Variants in GSE1 observed in about 807,000 individuals in gnomAD.
GSE1 encodes the protein genetic suppressor element 1.
A neutral mutation model predicts 112.6 loss-of-function variants in GSE1; 32 were observed. That is an observed-to-expected ratio of 0.28 (90% CI 0.21 to 0.38). The LOEUF (loss-of-function observed/expected upper bound fraction) is 0.38. GSE1 is among the 10% of genes least tolerant of loss of function. GSE1 has a pLI of 1.00. For missense variants in GSE1, 2,348 were observed against 1,699.2 expected (o/e 1.38, Z -6.71); for synonymous variants, 1,115 against 735.6 (o/e 1.52, Z -8.35).
chr16:85,461,514 G>A (rs1163079418), intron 2 of GSE1, among the ~76,000 whole-genome samples: 1 of 152,192 alleles, frequency 6.6e-6, no homozygotes, highest in African/African-American at 2.4e-5. Context: ...GCAAGGGGGG[G>A]AGGGGGCGCT....
At chr16:85,351,787 C>T (rs948969891) in intron 1 of GSE1, among the ~76,000 whole-genome samples, 1 of 152,088 alleles carries the variant, frequency 6.6e-6, no homozygotes, top group African/African-American at 2.4e-5. Context: ...GTCAGGAGTT[C>T]GAGACCAGAC....
chr16:85,656,402 A>C lies in GSE1; in HGVS notation c.1049A>C (p.Glu350Ala). ...GAGCGCGAGCGCGAGCGCGAGCGTG[A>C]GCGTGAGGCTGACCGCGAGCGGGAG... Reference protein sequence around the residue: ...EREREREREREREADREREKE... With the variant: ...ERERERERERAREADREREKE... Residue 350 changes from glutamate to alanine, a missense_variant, in exon 7 of 16, where the codon GAG becomes GCG. Transcript: ENST00000253458. 1 of 1,582,116 alleles carries C rather than the reference A, an allele frequency of 6.3e-7. No individual in the cohort carries two copies. Among genetic ancestry groups the C allele is most frequent in the South Asian group, 1.1e-5 (1 of 87,714 alleles).
chr16:85,407,306 C>T (rs1260298875), intron 2 of GSE1, among the ~76,000 whole-genome samples: 7 of 39,996 alleles, frequency 1.8e-4, no homozygotes, highest in East Asian at 1.0e-3. Context: ...TCAGGCCCCC[C>T]GGATAATCCT....
chr16:85,397,402 C>T (rs1207949643), intron 2 of GSE1, among the ~76,000 whole-genome samples: 3 of 152,240 alleles, frequency 2.0e-5, no homozygotes, highest in Admixed American at 6.5e-5. Context: ...CGGTGTGTCC[C>T]CAAGGCAAGG....
At chr16:85,659,865 G>A (rs992576490) in intron 8 of GSE1, among the ~76,000 whole-genome samples, 2 of 152,242 alleles carry the variant, frequency 1.3e-5, no homozygotes, top group Admixed American at 1.3e-4. Context: ...GGTCCTTGAA[G>A]ACACTTTGAG....
chr16:85,531,688 G>A (rs556808003), intron 2 of GSE1, among the ~76,000 whole-genome samples: 42 of 152,254 alleles, frequency 2.8e-4, no homozygotes, highest in South Asian at 8.3e-4. Context: ...GTGTTTATTC[G>A]GCCAAGGGAC....
chr16:85,203,209 C>T (rs532840562), intron 1 of GSE1, among the ~76,000 whole-genome samples: 3 of 152,244 alleles, frequency 2.0e-5, no homozygotes, highest in East Asian at 3.9e-4. Context: ...CTCCACTGTC[C>T]TCCTCAGCAT....
At chr16:85,652,491 G>A (rs971200606) in intron 3 of GSE1, among the ~76,000 whole-genome samples, 3 of 152,248 alleles carry the variant, frequency 2.0e-5, no homozygotes, top group Non-Finnish European at 2.9e-5. Flanking sequence ...GAGAAGGGGG[G>A]CCGGGGCTCA....
chr16:85,411,132 G>A (rs75740161), intron 2 of GSE1, among the ~76,000 whole-genome samples: 4 of 99,224 alleles, frequency 4.0e-5, no homozygotes, highest in Admixed American at 1.3e-4. Flanking sequence ...AATCCTCACC[G>A]TTACACTCAG....
chr16:85,508,351 G>A (rs138745469), intron 2 of GSE1, among the ~76,000 whole-genome samples: 22 of 152,238 alleles, frequency 1.4e-4, no homozygotes, highest in Non-Finnish European at 2.8e-4. Flanking sequence ...CTTATTTTTC[G>A]GAACAGGTGA....
chr16:85,660,182 A>T (rs2052314968), intron 8 of GSE1, among the ~76,000 whole-genome samples: 1 of 152,192 alleles, frequency 6.6e-6, no homozygotes, highest in Non-Finnish European at 1.5e-5. Context: ...TTCCCCATGG[A>T]AAGTGCGGAT....
chr16:85,525,586 G>A (rs79224410), intron 2 of GSE1, among the ~76,000 whole-genome samples: 1,561 of 152,320 alleles, frequency 0.01, 25 homozygotes, highest in African/African-American at 0.036. Flanking sequence ...GGGTGTCACT[G>A]CCCACATGCC....
At chr16:85,430,828 T>A (rs1408448639) in intron 2 of GSE1, among the ~76,000 whole-genome samples, 1 of 152,096 alleles carries the variant, frequency 6.6e-6, no homozygotes, top group Non-Finnish European at 1.5e-5. Flanking sequence ...GGCAGCAGAA[T>A]CCCCTGAAGG....
In GSE1 at chr16:85,650,408, C is replaced by G. The variant is rs1486783525; in HGVS notation, c.426+1657C>G. ...CCGCAGCTCATGGGAGGCCACTTCC[C>G]TGCCCCAGCCTGGACCAGGAGCTTC... is the stretch of plus-strand genomic sequence containing the variant. On this transcript the variant is annotated intron_variant, in intron 3 of 15. Transcript: ENST00000253458. 2.0e-5 allele frequency among the ~76,000 whole-genome samples: 3 copies of G among 152,312 alleles called. No individual in the cohort carries two copies. The East Asian group carries it at 5.8e-4, about 29-fold the overall frequency.
intron 1 of GSE1, among the ~76,000 whole-genome samples, chr16:85,558,584 G>A (rs1332470899): frequency 6.6e-6 from 1 of 151,998 alleles, no homozygotes. Context: ...TAGGCAGGAG[G>A]GGTGACTTTT....
In GSE1 at chr16:85,311,298, C is replaced by T. The variant is rs1418605420; in HGVS notation, c.2284-46165C>T. 4.6e-5 allele frequency among the ~76,000 whole-genome samples: 7 copies of T among 152,202 alleles called. No homozygotes were observed. The highest frequency in any genetic ancestry group is 9.6e-5 in the African/African-American group (4 of 41,460). On this transcript the variant is annotated intron_variant, in intron 1 of 2. Coordinates refer to the GSE1 transcript ENST00000637419. The surrounding 1 kb of genome is among the most constrained non-coding windows in gnomAD (Gnocchi z 4.2). ...GTGTGCCATCCTCTCTGCCAGGCAGCGGGCTCCCTGGACAGGGTGGGCGTC... is the reference window on the plus strand; with the variant it reads ...GTGTGCCATCCTCTCTGCCAGGCAGTGGGCTCCCTGGACAGGGTGGGCGTC...
intron 1 of GSE1, among the ~76,000 whole-genome samples, chr16:85,298,706 C>T (rs368890659): frequency 2.0e-4 from 31 of 152,342 alleles, no homozygotes; most frequent in African/African-American, 7.2e-4. Context: ...GAATTACAGG[C>T]GTGAGCCACT....
intron 9 of GSE1, 71 bp from the exon 10 acceptor site, chr16:85,662,910 G>A: frequency 9.4e-7 from 1 of 1,064,820 alleles, no homozygotes; most frequent in Non-Finnish European, 1.4e-6. Flanking sequence ...GCACACATGA[G>A]GCCCTGCGGG....
chr16:85,320,812 T>C (rs2046091266), intron 1 of GSE1, among the ~76,000 whole-genome samples: 1 of 152,214 alleles, frequency 6.6e-6, no homozygotes, highest in South Asian at 2.1e-4. Context: ...TCTGCGTGGC[T>C]GCCCTGGAGG....
Sources: gnomAD v4.1 joint callset for allele counts (sites outside exome capture counted in the v4.1 genomes callset) on GRCh38, gnomAD v4.1.1 for gene constraint, Gnocchi (gnomAD v3.1) non-coding constraint, MANE v1.5 for transcripts, NCBI Gene and HGNC (gene_info 2026-07-23, HGNC 2026-07-21) for gene names.